Variants in ADGRL3 observed in about 807,000 individuals in gnomAD.
ADGRL3 encodes the protein calcium-independent alpha-latrotoxin receptor 3.
Under a neutral mutation model 153.5 loss-of-function variants are expected in ADGRL3, and 62 were observed. The observed-to-expected ratio is 0.40, with a 90% confidence interval of 0.33 to 0.50. ADGRL3 has a LOEUF of 0.50. Among genes scored for constraint, ADGRL3 ranks in the 20% least tolerant of loss-of-function variants. The pLI is 0.47. For synonymous variants in ADGRL3, 710 were observed against 672.5 expected, an observed-to-expected ratio of 1.06 and a Z score of -0.86; for missense variants, 1,641 against 1,859.4, an observed-to-expected ratio of 0.88 and a Z score of 2.16.
intron 1 of ADGRL3, among the ~76,000 whole-genome samples, chr4:61,382,853 C>G (rs531179620): frequency 1.3e-5 from 2 of 151,898 alleles, no homozygotes; most frequent in African/African-American, 4.8e-5. Flanking sequence ...CTGTTATAGT[C>G]TTTTAATTAG....
At chr4:61,510,273 A>G (rs2098456490) in intron 3 of ADGRL3, among the ~76,000 whole-genome samples, 1 of 152,116 alleles carries the variant, frequency 6.6e-6, no homozygotes, top group Non-Finnish European at 1.5e-5. Context: ...ATTAGGTCCC[A>G]CTTGTCAATT....
chr4:61,522,715 A>G (rs1482185308), intron 4 of ADGRL3, among the ~76,000 whole-genome samples: 1 of 152,148 alleles, frequency 6.6e-6, no homozygotes, highest in Admixed American at 6.5e-5. Context: ...AGGCTGCTTT[A>G]AAACCTGTAA....
chr4:61,881,866 G>C (rs1010864377), intron 9 of ADGRL3, among the ~76,000 whole-genome samples: 14 of 152,042 alleles, frequency 9.2e-5, no homozygotes, highest in African/African-American at 3.4e-4. Flanking sequence ...GTCAAAACTC[G>C]AGAAATAAAA....
At chr4:61,755,579 C>T (rs1371461641) in intron 8 of ADGRL3, among the ~76,000 whole-genome samples, 1 of 152,142 alleles carries the variant, frequency 6.6e-6, no homozygotes, top group Non-Finnish European at 1.5e-5. Context: ...TGCCTGTTCA[C>T]TCTGATGGTA....
intron 5 of ADGRL3, among the ~76,000 whole-genome samples, chr4:61,596,591 A>G (rs1241432770): frequency 1.3e-5 from 2 of 152,278 alleles, no homozygotes; most frequent in African/African-American, 2.4e-5. Context: ...ATAAGCTTTA[A>G]TTGACTCATT....
chr4:61,405,921 A>G (rs909044589), intron 2 of ADGRL3, among the ~76,000 whole-genome samples: 7 of 152,024 alleles, frequency 4.6e-5, no homozygotes, highest in African/African-American at 1.4e-4. Context: ...TCTTTGCCAG[A>G]TGTGACTTAT....
intron 1 of ADGRL3, among the ~76,000 whole-genome samples, chr4:61,314,793 T>G (rs73216315): frequency 0.03 from 4,555 of 152,280 alleles, 212 homozygotes; most frequent in African/African-American, 0.1. Context: ...TCAGGAAGGC[T>G]GCTTAACGTT....
chr4:62,067,446 A>G (rs1273233413), intron 25 of ADGRL3, among the ~76,000 whole-genome samples: 1 of 152,080 alleles, frequency 6.6e-6, no homozygotes, highest in Non-Finnish European at 1.5e-5. Flanking sequence ...AAAACCTAAT[A>G]TTGTTGGTTG....
chr4:61,620,634 CTT>C (rs71664993), intron 5 of ADGRL3, among the ~76,000 whole-genome samples: 7 of 69,732 alleles, frequency 1.0e-4, no homozygotes, highest in East Asian at 5.0e-4. Context: ...TAAATTGTGA[CTT>C]TTTTTTTTTT....
intron 4 of ADGRL3, among the ~76,000 whole-genome samples, chr4:61,530,717 T>C (rs1267314991): frequency 3.9e-5 from 6 of 152,212 alleles, no homozygotes; most frequent in Non-Finnish European, 8.8e-5. Flanking sequence ...AGAGATTTGA[T>C]AGGTGATTAA....
Position 62,070,674 on chromosome 4 carries a change from G to A in ADGRL3, c.4398G>A (p.Glu1466=). Reference sequence around the variant, plus strand: ...CACTGGCTGGTGTGGCCGCCACAGAGAGTGTTACCACCAGCACCCAGACCG... The same window carrying A: ...CACTGGCTGGTGTGGCCGCCACAGAAAGTGTTACCACCAGCACCCAGACCG... ...MPTLAGVAAT[E]SVTTSTQTEP... is the part of the protein sequence containing the mutation. The change falls in exon 27 of 27, where the codon GAG becomes GAA. Residue 1466 remains glutamate, a synonymous_variant. Coordinates refer to ENST00000683033, the MANE Select transcript of ADGRL3 (RefSeq NM_001387552.1). 1.3e-6 allele frequency: 2 copies of A among 1,551,502 alleles called. No homozygotes were observed. Among genetic ancestry groups the A allele is most frequent in the Non-Finnish European group, 1.7e-6 (2 of 1,146,948 alleles).
chr4:61,785,430 C>A (rs2097265367), intron 8 of ADGRL3, among the ~76,000 whole-genome samples: 1 of 152,134 alleles, frequency 6.6e-6, no homozygotes. Context: ...GGTGGCACTG[C>A]TTTTAAGGTC....
At chr4:62,048,277 T>C (rs1732220950) in intron 25 of ADGRL3, among the ~76,000 whole-genome samples, 1 of 152,072 alleles carries the variant, frequency 6.6e-6, no homozygotes, top group South Asian at 2.1e-4. Flanking sequence ...ATTTATTTAT[T>C]TTTGAGACAG....
At chr4:62,013,003 C>A in intron 21 of ADGRL3, among the ~76,000 whole-genome samples, 1 of 152,062 alleles carries the variant, frequency 6.6e-6, no homozygotes, top group East Asian at 1.9e-4. Flanking sequence ...TCAAAGGGAG[C>A]AGCAGCTGGG....
intron 1 of ADGRL3, among the ~76,000 whole-genome samples, chr4:61,246,492 CA>C (rs1378505056): frequency 6.6e-6 from 1 of 151,838 alleles, no homozygotes; most frequent in Non-Finnish European, 1.5e-5. Context: ...TTTGTATACC[CA>C]AATTTGTTTT....
At chr4:61,842,060 CT>C (rs750920475) in intron 9 of ADGRL3, among the ~76,000 whole-genome samples, 1 of 151,934 alleles carries the variant, frequency 6.6e-6, no homozygotes, top group African/African-American at 2.4e-5. Context: ...TTTAAATCTG[CT>C]TTTTTTTAAA....
chr4:61,735,591 G>A (rs2096497243), intron 8 of ADGRL3, among the ~76,000 whole-genome samples: 1 of 152,036 alleles, frequency 6.6e-6, no homozygotes, highest in Admixed American at 6.6e-5. Context: ...TAAAATTTAT[G>A]TTTGGTTAGT....
chr4:61,353,790 G>A (rs1382105565), intron 1 of ADGRL3, among the ~76,000 whole-genome samples: 1 of 123,976 alleles, frequency 8.1e-6, no homozygotes, highest in East Asian at 2.4e-4. Context: ...CCCCGAAATA[G>A]ATGAACCAAA....
chr4:61,643,011 GT>G (rs1258068898), intron 5 of ADGRL3, among the ~76,000 whole-genome samples: 3 of 152,168 alleles, frequency 2.0e-5, no homozygotes, highest in Admixed American at 1.3e-4. Context: ...CACGTCCCTT[GT>G]AAGTTGGATT....
Sources: gnomAD v4.1 joint callset for allele counts (sites outside exome capture counted in the v4.1 genomes callset) on GRCh38, gnomAD v4.1.1 for gene constraint, MANE v1.5 for transcripts, NCBI Gene and HGNC (gene_info 2026-07-23, HGNC 2026-07-21) for gene names.